The following P2RX1 variants were observed in gnomAD, a reference collection of about 807,000 sequenced individuals.
P2RX1 encodes the protein P2X purinoceptor 1.
A neutral mutation model predicts 50.3 loss-of-function variants in P2RX1; 42 were observed. The ratio of observed to expected loss-of-function variants is 0.83; its 90% CI spans 0.65 to 1.08. The LOEUF is 1.08. P2RX1 is among the 50% of genes least tolerant of loss of function. The probability of loss-of-function intolerance (pLI) is 0.00; values close to 1 mark genes in which losing one functional copy is unlikely to be tolerated. For missense variants in P2RX1, 449 were observed against 529.0 expected, an observed-to-expected ratio of 0.85 and a Z score of 1.48; for synonymous variants, 199 against 202.6, an observed-to-expected ratio of 0.98 and a Z score of 0.15.
Position 3,898,058 on chromosome 17 carries a change from T to A in P2RX1, c.1085A>T (p.Tyr362Phe). The A allele has an allele frequency of 6.2e-7, 1 of 1,613,268 alleles. No homozygotes were observed. The highest frequency in any genetic ancestry group is 2.2e-5 in the East Asian group (1 of 44,766). Residue 362 changes from tyrosine (Y) to phenylalanine (F), a missense_variant, in exon 11 of 12, where the codon TAC (tyrosine) becomes TTC (phenylalanine). By Grantham distance (22) the Tyr-to-Phe change is conservative. Coordinates refer to ENST00000225538, the MANE Select transcript of P2RX1 (RefSeq NM_002558.4). ...LLLHILPKRHYYKQKKFKYAE... is the reference protein window; with the variant it reads ...LLLHILPKRHFYKQKKFKYAE... ...GTATTTGAACTTCTTCTGCTTGTAG[T>A]AGTGCCTCTTAGGCAGGATGTGAAG...
intron 1 of P2RX1, among the ~76,000 whole-genome samples, chr17:3,911,827 C>T (rs9904127): frequency 5.3e-4 from 80 of 152,290 alleles, no homozygotes; most frequent in South Asian, 2.7e-3. Context: ...CACTGTGTCC[C>T]GACAGGAGAG....
Position 3,905,299 on chromosome 17 carries a change from A to G in P2RX1, c.206T>C (p.Leu69Pro). ...GAGCTGGGTCACGGCCAGGCCCTTG[A>G]GTTTCACAGAGACACTGCTGATGAG... is the stretch of plus-strand genomic sequence containing the variant. ...SGLISSVSVK[L>P]KGLAVTQLPG... is the part of the protein sequence containing the mutation. Residue 69 changes from leucine to proline, a missense_variant, in exon 2 of 12, where the codon CTC (leucine) becomes CCC (proline). Transcript: ENST00000225538. 1 of 1,613,952 alleles carries G rather than the reference A, an allele frequency of 6.2e-7. No homozygotes were observed. The highest frequency in any genetic ancestry group is 8.5e-7 in the Non-Finnish European group (1 of 1,180,006).
Position 3,903,341 on chromosome 17 carries a change from C to T in P2RX1, c.608G>A (p.Arg203His), listed in dbSNP as rs761495965. 2.1e-5 allele frequency: 34 copies of T among 1,614,074 alleles called. No individual in the cohort carries two copies. Among genetic ancestry groups the T allele is most frequent in the South Asian group, 1.1e-4 (10 of 91,090 alleles). The stretch of plus-strand genomic sequence containing the variant: ...AGCATTCACCTCCTCCACCAGGTTG[C>T]GCCTGTGGGGGTGGAAGGTGTTGAC... ...ISFPRFKVNR[R>H]NLVEEVNAAH... Residue 203 changes from arginine to histidine, a missense_variant and splice_region_variant, in exon 7 of 12, where the codon CGC (arginine) becomes CAC (histidine). Transcript: ENST00000225538. The surrounding 1 kb of genome is among the most constrained non-coding windows in gnomAD (Gnocchi z 4.6).
intron 1 of P2RX1, chr17:3,915,861 G>A: frequency 1.5e-6 from 1 of 673,656 alleles, no homozygotes. Context: ...CAGAGACTCT[G>A]CCTCCTGTTC....
At chr17:3,899,943 A>G (rs1337781523) in intron 7 of P2RX1, among the ~76,000 whole-genome samples, 182 bp from the exon 8 acceptor site, 1 of 152,108 alleles carries the variant, frequency 6.6e-6, no homozygotes, top group Non-Finnish European at 1.5e-5. Flanking sequence ...TCTACTAAAA[A>G]TACAAAAATT....
intron 1 of P2RX1, among the ~76,000 whole-genome samples, chr17:3,908,366 G>T (rs2056304978): frequency 6.6e-6 from 1 of 152,122 alleles, no homozygotes; most frequent in African/African-American, 2.4e-5. Context: ...TTCAAGACCA[G>T]CTTGGCCAAC....
Position 3,899,485 on chromosome 17 carries a change from C to T in P2RX1, c.875+149G>A, listed in dbSNP as rs546328677. On this transcript the variant is annotated intron_variant, in intron 8 of 11. Coordinates refer to ENST00000225538, the MANE Select transcript of P2RX1 (RefSeq NM_002558.4). ...ACTTCAATATCTTTCTCCCTGCTGG[C>T]TTCCTGCATGGCCACCCAGGCAGAA... The T allele has an allele frequency of 2.9e-6, 3 of 1,050,592 alleles. No homozygotes were observed. The South Asian group carries it at 3.8e-5, about 13-fold the overall frequency. The allele number at this position is 1,050,592 out of a possible 1,614,324, so 65.1% of individuals were successfully genotyped here.
At chr17:3,910,293 C>G (rs1321159376) in intron 1 of P2RX1, among the ~76,000 whole-genome samples, 1 of 152,134 alleles carries the variant, frequency 6.6e-6, no homozygotes, top group Non-Finnish European at 1.5e-5. Context: ...CTATTTCGTG[C>G]CAAGCACTAA....
chr17:3,902,404 C>T (rs182021900), intron 7 of P2RX1, among the ~76,000 whole-genome samples: 100 of 151,944 alleles, frequency 6.6e-4, no homozygotes, highest in African/African-American at 1.9e-3. Context: ...AGCGATTCTC[C>T]GGTCTCAGCC....
intron 7 of P2RX1, among the ~76,000 whole-genome samples, chr17:3,902,987 C>A (rs72825485): frequency 5.9e-5 from 9 of 151,714 alleles, no homozygotes; most frequent in Non-Finnish European, 1.2e-4. Context: ...CTGCCCACAT[C>A]CGTTCATTCT....
At chr17:3,899,563 G>A in intron 8 of P2RX1, 71 bp downstream of exon 8, 1 of 1,591,496 alleles carries the variant, frequency 6.3e-7, no homozygotes. Context: ...TCTCAGACCT[G>A]AAGTGTTCTG....
chr17:3,903,473 A>C lies in P2RX1; in HGVS notation c.605+78T>G. On this transcript the variant is annotated intron_variant, in intron 6 of 11. Transcript: ENST00000225538. The surrounding 1 kb of genome is among the most constrained non-coding windows in gnomAD (Gnocchi z 4.6). ...ATTCCTTCCACGCCAGCAGGAATGG[A>C]GGGAGACAGAGACAGCTGAGAGCTG... The C allele has an allele frequency of 6.3e-7, 1 of 1,591,618 alleles. No homozygotes were observed. The highest frequency in any genetic ancestry group is 8.6e-7 in the Non-Finnish European group (1 of 1,161,266).
intron 1 of P2RX1, among the ~76,000 whole-genome samples, chr17:3,908,988 C>T (rs1278723004): frequency 6.6e-6 from 1 of 152,178 alleles, no homozygotes; most frequent in Non-Finnish European, 1.5e-5. Flanking sequence ...GCCTGGGCCC[C>T]AGGAGACAGA....
At chr17:3,910,764 G>A (rs1213494720) in intron 1 of P2RX1, among the ~76,000 whole-genome samples, 2 of 152,240 alleles carry the variant, frequency 1.3e-5, no homozygotes, top group Non-Finnish European at 2.9e-5. Flanking sequence ...GGCCCACCCT[G>A]AGGCCCCCAT....
chr17:3,896,625 T>G lies in P2RX1; in HGVS notation c.*1189A>C, dbSNP rs1432468068. 2.0e-5 allele frequency: 3 copies of G among 152,276 alleles called. No homozygotes were observed. Among genetic ancestry groups the G allele is most frequent in the Admixed American group, 2.0e-4 (3 of 15,288 alleles). The allele number at this position is 152,276 out of a possible 1,614,324, so 9.4% of individuals were successfully genotyped here. A position where few individuals can be genotyped will look rare whatever the true frequency, so the allele number is the denominator to read the frequency against. On this transcript the variant is annotated 3_prime_UTR_variant, in exon 12 of 12. Coordinates refer to ENST00000225538, the MANE Select transcript of P2RX1 (RefSeq NM_002558.4). ...CATTCCCTTTATTGTACTCCACCCGTCGCTTCCCCCAGACCTTCTGTTCAG... is the reference window on the plus strand; with the variant it reads ...CATTCCCTTTATTGTACTCCACCCGGCGCTTCCCCCAGACCTTCTGTTCAG...
intron 3 of P2RX1, chr17:3,904,638 G>A (rs1007031203): frequency 1.3e-5 from 8 of 627,152 alleles, no homozygotes; most frequent in African/African-American, 7.3e-5. Context: ...GGGTGGGCAC[G>A]AAGTCTCGGC....
chr17:3,912,539 T>C (rs905984582), intron 1 of P2RX1, among the ~76,000 whole-genome samples: 6 of 152,086 alleles, frequency 3.9e-5, no homozygotes, highest in Admixed American at 6.5e-5. Flanking sequence ...CCATGTTGGC[T>C]AGGCTGGTCT....
chr17:3,915,880 C>G (rs746174025), intron 1 of P2RX1: 2 of 701,924 alleles, frequency 2.8e-6, no homozygotes, highest in African/African-American at 1.8e-5. Context: ...TCACCGAAGG[C>G]CCCCGGGCAG....
chr17:3,897,758 C>T lies in P2RX1; in HGVS notation c.*56G>A, dbSNP rs2056056792. ...CCCCTCTGCCCTGGCTGGGACCCAC[C>T]AGGGCTCCAGGCTGAAGCCTCACGC... is the stretch of plus-strand genomic sequence containing the variant. On this transcript the variant is annotated 3_prime_UTR_variant, in exon 12 of 12. Coordinates refer to ENST00000225538, the MANE Select transcript of P2RX1 (RefSeq NM_002558.4). The T allele has an allele frequency of 4.5e-6, 7 of 1,545,364 alleles. No individual in the cohort carries two copies. The highest frequency in any genetic ancestry group is 1.1e-5 in the South Asian group (1 of 88,612).
Sources: gnomAD v4.1 joint callset for allele counts (sites outside exome capture counted in the v4.1 genomes callset) on GRCh38, gnomAD v4.1.1 for gene constraint, Gnocchi (gnomAD v3.1) non-coding constraint, MANE v1.5 for transcripts, NCBI Gene and HGNC (gene_info 2026-07-23, HGNC 2026-07-21) for gene names.